MAPK8: variants seen among roughly 807,000 people sequenced by gnomAD.
MAPK8 encodes the protein mitogen-activated protein kinase 8.
MAPK8 carries 13 observed loss-of-function variants against 52.9 expected under a neutral mutation model. The observed-to-expected ratio is 0.25, with a 90% CI of 0.16 to 0.39. The LOEUF is 0.39. MAPK8 is among the 10% of genes least tolerant of loss of function. MAPK8 has a pLI of 1.00. For missense variants in MAPK8, 300 were observed against 519.2 expected (o/e 0.58, Z 4.10); for synonymous variants, 191 against 169.8 (o/e 1.12, Z -0.97).
At chr10:48,315,424 A>G (rs1031385324) in intron 1 of MAPK8, among the ~76,000 whole-genome samples, 8 of 152,162 alleles carry the variant, frequency 5.3e-5, no homozygotes, top group African/African-American at 1.9e-4. Flanking sequence ...CTTCTATTAA[A>G]TGGATTCAGT....
chr10:48,433,893 A>G (rs1188430844), intron 11 of MAPK8, among the ~76,000 whole-genome samples: 1 of 152,214 alleles, frequency 6.6e-6, no homozygotes, highest in Non-Finnish European at 1.5e-5. Flanking sequence ...TTTGAAGACC[A>G]TTGATTTTAT....
At chr10:48,405,104 G>T in intron 3 of MAPK8, 123 bp downstream of exon 3, 1 of 244,460 alleles carries the variant, frequency 4.1e-6, no homozygotes, top group Non-Finnish European at 7.5e-6. Context: ...TTGTTTAAAA[G>T]GGATATATAT....
chr10:48,403,534 T>C (rs967738643), intron 2 of MAPK8, among the ~76,000 whole-genome samples: 9 of 152,180 alleles, frequency 5.9e-5, no homozygotes, highest in Non-Finnish European at 1.2e-4. Flanking sequence ...TGGCATTTAT[T>C]ATCTTTCCTG....
chr10:48,370,548 G>A (rs910814330), intron 1 of MAPK8, among the ~76,000 whole-genome samples: 3 of 152,110 alleles, frequency 2.0e-5, no homozygotes, highest in Admixed American at 1.3e-4. Context: ...AAAGTGAGTT[G>A]TTAAAGGCCT....
At chr10:48,351,425 G>A (rs552261152) in intron 1 of MAPK8, among the ~76,000 whole-genome samples, 2 of 151,876 alleles carry the variant, frequency 1.3e-5, no homozygotes, top group South Asian at 4.2e-4. Flanking sequence ...TGCCCAGGCT[G>A]GTCTCAAACT....
intron 1 of MAPK8, among the ~76,000 whole-genome samples, chr10:48,325,683 A>G (rs949127189): frequency 5.3e-5 from 8 of 152,234 alleles, no homozygotes; most frequent in South Asian, 2.1e-4. Context: ...ACTAAAATCC[A>G]TAGCTTATTC....
At chr10:48,396,964 G>A (rs2041917371) in intron 1 of MAPK8, among the ~76,000 whole-genome samples, 1 of 151,832 alleles carries the variant, frequency 6.6e-6, no homozygotes, top group Admixed American at 6.6e-5. Context: ...ATAATTTTAG[G>A]CTCACATAGA....
chr10:48,380,991 A>C (rs2040968323), intron 1 of MAPK8, among the ~76,000 whole-genome samples: 1 of 152,204 alleles, frequency 6.6e-6, no homozygotes, highest in South Asian at 2.1e-4. Context: ...TAATAAAGGC[A>C]GCATGAGCTC....
intron 1 of MAPK8, among the ~76,000 whole-genome samples, chr10:48,380,823 T>G (rs530757759): frequency 6.6e-6 from 1 of 152,222 alleles, no homozygotes; most frequent in Non-Finnish European, 1.5e-5. Flanking sequence ...CACAGGTCAT[T>G]GTAAAACAGT....
chr10:48,434,688 T>C (rs1474381416), intron 11 of MAPK8, among the ~76,000 whole-genome samples, 196 bp from the exon 12 acceptor site: 3 of 152,212 alleles, frequency 2.0e-5, no homozygotes, highest in Admixed American at 2.0e-4. Flanking sequence ...TTCTAGACAT[T>C]TTCAGAATTC....
At chr10:48,420,472 AT>A (rs2043290313) in intron 6 of MAPK8, 152 bp downstream of exon 6, 1 of 744,162 alleles carries the variant, frequency 1.3e-6, no homozygotes, top group South Asian at 3.7e-5. Flanking sequence ...GTAACTATAA[AT>A]TTTTTCATCA....
At chr10:48,434,758 A>T (rs1441232617) in intron 11 of MAPK8, 126 bp from the exon 12 acceptor site, 1 of 690,946 alleles carries the variant, frequency 1.4e-6, no homozygotes, top group Non-Finnish European at 2.3e-6. Flanking sequence ...ATCATTTGCG[A>T]TTATTTTTAG....
chr10:48,420,818 A>C (rs1230536432), intron 6 of MAPK8, among the ~76,000 whole-genome samples: 1 of 152,208 alleles, frequency 6.6e-6, no homozygotes, highest in Admixed American at 6.5e-5. Flanking sequence ...GAAGCAGTAA[A>C]GTTTCATTAA....
At chr10:48,423,615 ATTAT>A (rs1210183718) in intron 6 of MAPK8, among the ~76,000 whole-genome samples, 1 of 152,136 alleles carries the variant, frequency 6.6e-6, no homozygotes, top group African/African-American at 2.4e-5. Context: ...ATTCATAGAG[ATTAT>A]TTCTGTTAGA....
chr10:48,437,846 G>A lies in MAPK8; in HGVS notation c.*2817G>A, dbSNP rs1262531803. 6.6e-6 allele frequency: 1 copy of A among 152,272 alleles called. No homozygotes were observed. Among genetic ancestry groups the A allele is most frequent in the Admixed American group, 6.5e-5 (1 of 15,288 alleles). 9.4% of individuals were successfully genotyped at this position (152,272 alleles called of 1,614,324 possible). A position where few individuals can be genotyped will look rare whatever the true frequency, so the allele number is the denominator to read the frequency against. The stretch of plus-strand genomic sequence containing the variant: ...TAACAATCCAAAGAAGCTTGATGGT[G>A]TGCAAAGAAGCATCCTGCCAGCCTT... On this transcript the variant is annotated 3_prime_UTR_variant, in exon 12 of 12. Transcript: ENST00000374189.
chr10:48,435,377 T>C lies in MAPK8; in HGVS notation c.*348T>C. 1 of 190,166 alleles carries C rather than the reference T, an allele frequency of 5.3e-6. No individual in the cohort carries two copies. Among genetic ancestry groups the C allele is most frequent in the Non-Finnish European group, 1.1e-5 (1 of 93,646 alleles). The allele number at this position is 190,166 out of a possible 1,614,324, so 11.8% of individuals were successfully genotyped here. A position where few individuals can be genotyped will look rare whatever the true frequency, so the allele number is the denominator to read the frequency against. On this transcript the variant is annotated 3_prime_UTR_variant, in exon 12 of 12. Coordinates refer to ENST00000374189, the MANE Select transcript of MAPK8 (RefSeq NM_001323329.2). ...AGATTTTGTTTATCAAAGCAACTATTATGTGGTGACTTGCCTATATCATGA... is the reference window on the plus strand; with the variant it reads ...AGATTTTGTTTATCAAAGCAACTATCATGTGGTGACTTGCCTATATCATGA...
intron 1 of MAPK8, among the ~76,000 whole-genome samples, chr10:48,375,394 A>T (rs75394752): frequency 6.6e-6 from 1 of 152,202 alleles, no homozygotes; most frequent in African/African-American, 2.4e-5. Context: ...GGCCAGGGCA[A>T]TCAGGCAAGA....
At position 48,438,335 on chromosome 10, in the gene MAPK8, CTA is replaced by C. The variant is rs1469539299; in HGVS notation, c.*3307_*3308del. 6.6e-6 allele frequency: 1 copy of C among 152,164 alleles called. No individual in the cohort carries two copies. Among genetic ancestry groups the C allele is most frequent in the Non-Finnish European group, 1.5e-5 (1 of 68,032 alleles). 9.4% of individuals were successfully genotyped at this position (152,164 alleles called of 1,614,324 possible). On this transcript the variant is annotated 3_prime_UTR_variant, in exon 12 of 12. Transcript: ENST00000374189. The stretch of plus-strand genomic sequence containing the variant: ...TAGGTTTTTACGGAATCAAAGGAAA[CTA>C]ATTTTTCCTTAATAGCAAGAAAGAT...
chr10:48,320,526 C>G (rs910549048), intron 1 of MAPK8, among the ~76,000 whole-genome samples: 7 of 152,216 alleles, frequency 4.6e-5, no homozygotes, highest in African/African-American at 1.7e-4. Flanking sequence ...AGGCATGAAC[C>G]ACAGTGCCTG....
Sources: allele counts gnomAD v4.1 joint callset (sites outside exome capture counted in the v4.1 genomes callset), GRCh38; gene constraint gnomAD v4.1.1; transcripts MANE v1.5; gene names NCBI Gene and HGNC (gene_info 2026-07-23, HGNC 2026-07-21).